Variants in DOCK6 observed in about 807,000 individuals in gnomAD.
DOCK6 encodes the protein dedicator of cytokinesis protein 6.
DOCK6 carries 167 observed loss-of-function variants against 230.3 expected under a neutral mutation model. That is an observed-to-expected ratio of 0.73 (90% CI 0.64 to 0.82). DOCK6 has a LOEUF of 0.82. Ranked by LOEUF, DOCK6 falls within the 40% of genes least tolerant of loss-of-function variation. The pLI, the probability that DOCK6 is intolerant of heterozygous loss-of-function variation, is 0.00. For missense variants in DOCK6, 2,598 were observed against 2,825.8 expected, an observed-to-expected ratio of 0.92 and a Z score of 1.83; for synonymous variants, 1,148 against 1,185.0, an observed-to-expected ratio of 0.97 and a Z score of 0.64.
Position 11,222,473 on chromosome 19 carries a change from C to T in DOCK6, c.3241-225G>A. The T allele has an allele frequency of 2.7e-6, 2 of 744,472 alleles. No homozygotes were observed. Among genetic ancestry groups the T allele is most frequent in the Non-Finnish European group, 4.3e-6 (2 of 470,558 alleles). 46.1% of individuals were successfully genotyped at this position (744,472 alleles called of 1,614,324 possible). A position where few individuals can be genotyped will look rare whatever the true frequency, so the allele number is the denominator to read the frequency against. On this transcript the variant is annotated intron_variant, in intron 26 of 47. Coordinates refer to ENST00000294618, the MANE Select transcript of DOCK6 (RefSeq NM_020812.4). This position sits in a 1 kb window ranked among gnomAD's most constrained non-coding sequence, Gnocchi z 4.0. ...TGTAACAGGGCACGGAGTCAAAAGT[C>T]AGAGGACTGAGAAATAGCAGATGGA...
chr19:11,202,293 A>G lies in DOCK6; in HGVS notation c.5451+101T>C. 3 of 1,461,494 alleles carry G rather than the reference A, an allele frequency of 2.1e-6. No homozygotes were observed. Among genetic ancestry groups the G allele is most frequent in the Non-Finnish European group, 2.8e-6 (3 of 1,068,006 alleles). The allele number at this position is 1,461,494 out of a possible 1,614,324, so 90.5% of individuals were successfully genotyped here. ...TTTTGGGGTCCCTCAGTGAAATATG[A>G]TTTGGGGTTTCCCAGAGAAAGAGGA... On this transcript the variant is annotated intron_variant, in intron 43 of 47. Coordinates refer to ENST00000294618, the MANE Select transcript of DOCK6 (RefSeq NM_020812.4). This position sits in a 1 kb window ranked among gnomAD's most constrained non-coding sequence, Gnocchi z 5.3.
chr19:11,251,661 A>G (rs1395373737), intron 5 of DOCK6: 1 of 153,634 alleles, frequency 6.5e-6, no homozygotes, highest in African/African-American at 2.4e-5. Context: ...TGGAGGTTGC[A>G]GTGAGCTGAG....
chr19:11,237,884 C>T, intron 16 of DOCK6, 105 bp from the exon 17 acceptor site: 1 of 1,428,758 alleles, frequency 7.0e-7, no homozygotes, highest in Non-Finnish European at 9.6e-7. Flanking sequence ...CCCACTGTCT[C>T]TGCTGTCTGC....
intron 31 of DOCK6, 158 bp from the exon 32 acceptor site, chr19:11,215,629 G>A (rs1376153284): frequency 2.4e-5 from 32 of 1,319,172 alleles, no homozygotes; most frequent in Non-Finnish European, 3.4e-5. Flanking sequence ...GGGCAAACAC[G>A]AGTGACAGAT....
intron 22 of DOCK6, chr19:11,232,223 G>A (rs892069766): frequency 1.4e-4 from 178 of 1,289,572 alleles, no homozygotes; most frequent in East Asian, 2.2e-4. Flanking sequence ...GGCGCCCGCC[G>A]CAGCACAGCC....
At chr19:11,233,391 A>T in intron 21 of DOCK6, 25 bp from the exon 22 acceptor site, 1 of 1,604,066 alleles carries the variant, frequency 6.2e-7, no homozygotes, top group Non-Finnish European at 8.5e-7. Context: ...AATAGGGTCA[A>T]CCACCCACCC....
rs949436096 is a variant in DOCK6 at position 11,221,862 on chromosome 19, T to C, written c.3539A>G (p.His1180Arg). 3 of 1,613,766 alleles carry C rather than the reference T, an allele frequency of 1.9e-6. No individual in the cohort carries two copies. Among genetic ancestry groups the C allele is most frequent in the Non-Finnish European group, 2.5e-6 (3 of 1,179,902 alleles). ...SIARDTLPRL[H>R]DFAEGPGQRS... Reference sequence around the variant, plus strand: ...CCTGGCCCACTGACCAGCAAAGTCATGCAGCCGTGGCAAGGTATCCCGTGC... The same window carrying C: ...CCTGGCCCACTGACCAGCAAAGTCACGCAGCCGTGGCAAGGTATCCCGTGC... The change falls in exon 28 of 48, where the codon CAT (histidine) becomes CGT (arginine). Residue 1180 changes from histidine (H) to arginine (R), a missense_variant. Physicochemically the swap from His to Arg is conservative, Grantham distance 29. Transcript: ENST00000294618.
rs908061200 is a variant in DOCK6, at chr19:11,228,317, TTCTC to T, written c.2814+619_2814+622del. On this transcript the variant is annotated intron_variant, in intron 23 of 47. Coordinates refer to ENST00000294618, the MANE Select transcript of DOCK6 (RefSeq NM_020812.4). ...TGAGCCACTGTGCCTGACCACAGCTTTCTCTCTCTATCCAGGAATATCTCCTGCA... is the reference window on the plus strand; with the variant it reads ...TGAGCCACTGTGCCTGACCACAGCTTTCTCTATCCAGGAATATCTCCTGCA... 3.3e-5 allele frequency among the ~76,000 whole-genome samples: 5 copies of T among 151,812 alleles called. No homozygotes were observed. The East Asian group carries it at 9.8e-4, about 30-fold the overall frequency.
chr19:11,246,485 C>T (rs2080036493), intron 7 of DOCK6, among the ~76,000 whole-genome samples: 1 of 152,018 alleles, frequency 6.6e-6, no homozygotes, highest in African/African-American at 2.4e-5. Flanking sequence ...TGGGATTTCA[C>T]CATGTTGGCC....
chr19:11,206,191 T>C (rs2079256976), intron 39 of DOCK6: 1 of 151,950 alleles, frequency 6.6e-6, no homozygotes. Flanking sequence ...CTCCTGCAAG[T>C]TAAATGTAGA....
intron 14 of DOCK6, chr19:11,239,607 A>C: frequency 6.2e-7 from 1 of 1,609,562 alleles, no homozygotes; most frequent in Non-Finnish European, 8.5e-7. Flanking sequence ...CTTCAGTGAC[A>C]GTGCTGTGGC....
intron 23 of DOCK6, among the ~76,000 whole-genome samples, chr19:11,228,208 A>G (rs2079701643): frequency 6.6e-6 from 1 of 151,886 alleles, no homozygotes; most frequent in African/African-American, 2.4e-5. Flanking sequence ...ATGGGGTTTC[A>G]CCATGTTGGC....
In DOCK6 at chr19:11,222,673, A is replaced by T; in HGVS notation, c.3240+62T>A. Reference sequence around the variant, plus strand: ...GGGACAGAGATGAGGGAACCATAGGAGATGGACTGAAGGTGAGAGGTTGTA... The same window carrying T: ...GGGACAGAGATGAGGGAACCATAGGTGATGGACTGAAGGTGAGAGGTTGTA... On this transcript the variant is annotated intron_variant, in intron 26 of 47. Coordinates refer to ENST00000294618, the MANE Select transcript of DOCK6 (RefSeq NM_020812.4). This position sits in a 1 kb window ranked among gnomAD's most constrained non-coding sequence, Gnocchi z 4.0. The T allele has an allele frequency of 6.8e-7, 1 of 1,472,174 alleles. No homozygotes were observed. The highest frequency in any genetic ancestry group is 9.2e-7 in the Non-Finnish European group (1 of 1,088,538). 91.2% of individuals were successfully genotyped at this position (1,472,174 alleles called of 1,614,324 possible).
intron 6 of DOCK6, among the ~76,000 whole-genome samples, chr19:11,249,898 C>CAAAA (rs1198954379): frequency 3.8e-4 from 19 of 50,540 alleles, no homozygotes; most frequent in African/African-American, 1.0e-3. Context: ...GACTCCATCT[C>CAAAA]AAAAAAAAAA....
chr19:11,240,377 C>T, intron 14 of DOCK6: 3 of 1,382,950 alleles, frequency 2.2e-6, no homozygotes, highest in African/African-American at 1.5e-5. Flanking sequence ...GTCCCAAAGA[C>T]CTCCCAGATC....
Position 11,208,969 on chromosome 19 carries a change from T to G in DOCK6, c.4886A>C (p.Glu1629Ala), listed in dbSNP as rs1449972582. The change falls in exon 38 of 48, where the codon GAG (glutamate) becomes GCG (alanine). Residue 1629 changes from glutamate to alanine, a missense_variant. Physicochemically the swap from Glu to Ala is moderately radical, Grantham distance 107 (BLOSUM62 -1). Coordinates refer to ENST00000294618, the MANE Select transcript of DOCK6 (RefSeq NM_020812.4). ...GTGGTCCTCGAGCAGGGCGAGGTAC[T>G]CAGCCACGAGGGCGGCCGCGTGCAC... ...CMVHAAALVA[E>A]YLALLEDHRH... The G allele has an allele frequency of 6.2e-7, 1 of 1,606,176 alleles. No individual in the cohort carries two copies. The highest frequency in any genetic ancestry group is 1.1e-5 in the South Asian group (1 of 90,818).
At chr19:11,245,459 C>T in intron 9 of DOCK6, 104 bp downstream of exon 9, 1 of 1,253,144 alleles carries the variant, frequency 8.0e-7, no homozygotes, top group Non-Finnish European at 1.1e-6. Context: ...CCACAACAGC[C>T]CTGATTACCC....
chr19:11,236,020 A>ACG lies in DOCK6; in HGVS notation c.2393-262_2393-261insCG. On this transcript the variant is annotated intron_variant, in intron 20 of 47. Coordinates refer to ENST00000294618, the MANE Select transcript of DOCK6 (RefSeq NM_020812.4). The surrounding 1 kb of genome is among the most constrained non-coding windows in gnomAD (Gnocchi z 5.2). Reference sequence around the variant, plus strand: ...CTCAGCCTCCCGAGTAGCTGGGATTACAGGCATGCGCCACCACGCCCAGCT... The same window carrying ACG: ...CTCAGCCTCCCGAGTAGCTGGGATTACGCAGGCATGCGCCACCACGCCCAGCT... 2.0e-6 allele frequency: 1 copy of ACG among 505,058 alleles called. No homozygotes were observed. Among genetic ancestry groups the ACG allele is most frequent in the Non-Finnish European group, 3.4e-6 (1 of 291,462 alleles). The allele number at this position is 505,058 out of a possible 1,614,324, so 31.3% of individuals were successfully genotyped here.
chr19:11,211,661 G>A (rs1248106404), intron 37 of DOCK6, 115 bp downstream of exon 37: 5 of 803,318 alleles, frequency 6.2e-6, no homozygotes, highest in Non-Finnish European at 1.0e-5. Context: ...CTCTGTTAGG[G>A]ACTGTATGCT....
Sources: gnomAD v4.1 joint callset for allele counts (sites outside exome capture counted in the v4.1 genomes callset) on GRCh38, gnomAD v4.1.1 for gene constraint, Gnocchi (gnomAD v3.1) non-coding constraint, MANE v1.5 for transcripts, NCBI Gene and HGNC (gene_info 2026-07-23, HGNC 2026-07-21) for gene names.